Variants in TNFRSF1B observed in about 807,000 individuals in gnomAD.
TNFRSF1B encodes the protein tumor necrosis factor receptor superfamily member 1B.
Under a neutral mutation model 44.6 loss-of-function variants are expected in TNFRSF1B, and 19 were observed. That is an observed-to-expected ratio of 0.43 (90% CI 0.30 to 0.62). TNFRSF1B has a LOEUF of 0.62. Among genes scored for constraint, TNFRSF1B ranks in the 20% least tolerant of loss-of-function variants. The pLI, the probability that TNFRSF1B is intolerant of heterozygous loss-of-function variation, is 0.16. For missense variants in TNFRSF1B, 541 were observed against 619.9 expected, an observed-to-expected ratio of 0.87 and a Z score of 1.35; for synonymous variants, 252 against 261.1, an observed-to-expected ratio of 0.97 and a Z score of 0.34.
Position 12,205,518 on chromosome 1 carries a change from G to A in TNFRSF1B, c.1106-1222G>A, listed in dbSNP as rs17883882. On this transcript the variant is annotated intron_variant, in intron 9 of 9. Coordinates refer to ENST00000376259, the MANE Select transcript of TNFRSF1B (RefSeq NM_001066.3). The stretch of plus-strand genomic sequence containing the variant: ...TTTCAGAGGGGTGGGGTTGAAGCCA[G>A]GACAGATGGAGGCTGTTCACACCCA... Among the ~76,000 whole-genome samples, 414 of 152,336 alleles carry A rather than the reference G, an allele frequency of 2.7e-3. 3 individuals carry two copies. The highest frequency in any genetic ancestry group is 0.014 in the Middle Eastern group (4 of 294).
At position 12,167,041 on chromosome 1, in the gene TNFRSF1B, C is replaced by T. The variant is rs917445950; in HGVS notation, c.-51C>T. The T allele has an allele frequency of 3.3e-6, 4 of 1,195,174 alleles. No individual in the cohort carries two copies. Among genetic ancestry groups the T allele is most frequent in the East Asian group, 3.3e-5 (1 of 30,252 alleles). The allele number at this position is 1,195,174 out of a possible 1,614,324, so 74.0% of individuals were successfully genotyped here. On this transcript the variant is annotated 5_prime_UTR_variant, in exon 1 of 10. Coordinates refer to ENST00000376259, the MANE Select transcript of TNFRSF1B (RefSeq NM_001066.3). ...AGCCTGGAGAGAAGGCGCTGGGCTG[C>T]GAGGGCGCGAGGGCGCGAGGGCAGG...
chr1:12,174,743 C>T (rs1638613487), intron 1 of TNFRSF1B, among the ~76,000 whole-genome samples: 2 of 152,226 alleles, frequency 1.3e-5, no homozygotes, highest in African/African-American at 4.8e-5. Context: ...CCTACCCCCT[C>T]TTTTGGACAC....
In TNFRSF1B at chr1:12,190,458, C is replaced by CAAAAAAA. The variant is rs4044499; in HGVS notation, c.179-483_179-477dup. Reference sequence around the variant, plus strand: ...TGGGCCACAGAGTGAGATTCTGTCTCAAAAAAAAAAAAAAAAAAAAAAGCA... The same window carrying CAAAAAAA: ...TGGGCCACAGAGTGAGATTCTGTCTCAAAAAAAAAAAAAAAAAAAAAAAAAAAAAGCA... On this transcript the variant is annotated intron_variant, in intron 2 of 9. Transcript: ENST00000376259. 1.6e-3 allele frequency among the ~76,000 whole-genome samples: 98 copies of CAAAAAAA among 61,478 alleles called. 1 individual carries two copies. Among genetic ancestry groups the CAAAAAAA allele is most frequent in the South Asian group, 4.5e-3 (6 of 1,334 alleles). 40.3% of individuals were successfully genotyped at this position (61,478 alleles called of 152,430 possible).
chr1:12,205,550 T>C (rs886208115), intron 9 of TNFRSF1B, among the ~76,000 whole-genome samples: 1 of 152,150 alleles, frequency 6.6e-6, no homozygotes, highest in African/African-American at 2.4e-5. Flanking sequence ...CCCATCCAGA[T>C]GGGAGTGAGG....
At chr1:12,193,167 C>T (rs1186273747) in intron 6 of TNFRSF1B, 69 bp downstream of exon 6, 3 of 1,421,344 alleles carry the variant, frequency 2.1e-6, no homozygotes, top group East Asian at 4.9e-5. Flanking sequence ...CTTTCTTCCT[C>T]TCCCATGGTT....
chr1:12,188,919 C>T (rs374141767), intron 2 of TNFRSF1B, 24 bp downstream of exon 2: 6 of 1,605,004 alleles, frequency 3.7e-6, no homozygotes, highest in African/African-American at 1.3e-5. Context: ...CGGGGGCACT[C>T]GGGGCCCATG....
rs774996171 is a variant in TNFRSF1B, at chr1:12,202,099, C to T, written c.1033C>T (p.Arg345Trp). Reference sequence around the variant, plus strand: ...TGCGTTGGACAGAAGGGCGCCCACTCGGAACCAGCCACAGGCACCAGGCGT... The same window carrying T: ...TGCGTTGGACAGAAGGGCGCCCACTTGGAACCAGCCACAGGCACCAGGCGT... ...ASALDRRAPT[R>W]NQPQAPGVEA... Residue 345 changes from arginine to tryptophan, a missense_variant, in exon 9 of 10, where the codon CGG (arginine) becomes TGG (tryptophan). Coordinates refer to ENST00000376259, the MANE Select transcript of TNFRSF1B (RefSeq NM_001066.3). 19 of 1,576,826 alleles carry T rather than the reference C, an allele frequency of 1.2e-5. No individual in the cohort carries two copies. Among genetic ancestry groups the T allele is most frequent in the South Asian group, 3.5e-5 (3 of 86,340 alleles).
At chr1:12,184,715 C>T (rs754071354) in intron 1 of TNFRSF1B, among the ~76,000 whole-genome samples, 3 of 152,172 alleles carry the variant, frequency 2.0e-5, no homozygotes, top group Non-Finnish European at 2.9e-5. Context: ...GCCCTTTGAG[C>T]CCTGATGGGA....
At chr1:12,193,521 T>C (rs892146319) in intron 6 of TNFRSF1B, among the ~76,000 whole-genome samples, 10 of 152,202 alleles carry the variant, frequency 6.6e-5, no homozygotes, top group Admixed American at 6.5e-4. Flanking sequence ...TGCATTGAGC[T>C]CTGATCGTGC....
rs952962458 is a variant in TNFRSF1B at position 12,175,531 on chromosome 1, G to A, written c.78+8362G>A. 7.2e-5 allele frequency among the ~76,000 whole-genome samples: 11 copies of A among 152,138 alleles called. No homozygotes were observed. In the East Asian group the frequency reaches 1.2e-3, roughly 16 times the overall value. On this transcript the variant is annotated intron_variant, in intron 1 of 9. Coordinates refer to ENST00000376259, the MANE Select transcript of TNFRSF1B (RefSeq NM_001066.3). The stretch of plus-strand genomic sequence containing the variant: ...GGTGCCCCTGCTGGCCCCTCCTCTC[G>A]CTGACCCCAGCCCCAGTTTCTGGCT...
chr1:12,196,116 C>T (rs1159527632), intron 8 of TNFRSF1B, among the ~76,000 whole-genome samples: 1 of 152,124 alleles, frequency 6.6e-6, no homozygotes, highest in African/African-American at 2.4e-5. Flanking sequence ...GTCTGGCCAT[C>T]ATGGTAAAAC....
At chr1:12,173,961 G>C (rs1366443024) in intron 1 of TNFRSF1B, among the ~76,000 whole-genome samples, 1 of 152,132 alleles carries the variant, frequency 6.6e-6, no homozygotes, top group Non-Finnish European at 1.5e-5. Flanking sequence ...GGGGTTGGAA[G>C]AGATCATTGA....
intron 1 of TNFRSF1B, among the ~76,000 whole-genome samples, chr1:12,179,142 C>T (rs895007572): frequency 2.0e-5 from 3 of 152,122 alleles, no homozygotes; most frequent in Admixed American, 6.5e-5. Context: ...CTCCAAGAAC[C>T]GGATACCAGC....
intron 8 of TNFRSF1B, among the ~76,000 whole-genome samples, chr1:12,197,478 C>T (rs572057731): frequency 1.7e-4 from 26 of 152,342 alleles, no homozygotes; most frequent in African/African-American, 5.3e-4. Flanking sequence ...TATCCCAGCA[C>T]AGCCCTGGCT....
At position 12,198,659 on chromosome 1, in the gene TNFRSF1B, T is replaced by TGCTG. The variant is rs138944650; in HGVS notation, c.901-3286_901-3283dup. 6.1e-3 allele frequency among the ~76,000 whole-genome samples: 856 copies of TGCTG among 141,380 alleles called. 9 individuals carry two copies. The highest frequency in any genetic ancestry group is 0.021 in the African/African-American group (798 of 37,546). The allele number at this position is 141,380 out of a possible 152,430, so 92.8% of individuals were successfully genotyped here. On this transcript the variant is annotated intron_variant, in intron 8 of 9. Transcript: ENST00000376259. ...GCCAGGAGGGGCCGGGAGCTGAGGG[T>TGCTG]GCTGGCTGGCTGGCTGGCTGGCTGG...
intron 8 of TNFRSF1B, among the ~76,000 whole-genome samples, chr1:12,198,691 G>GT (rs60313758): frequency 0.045 from 3,842 of 85,646 alleles, 324 homozygotes; most frequent in East Asian, 0.14. Flanking sequence ...CTGGAATTCT[G>GT]TTTTTTTTTT....
At chr1:12,175,638 A>G (rs774036691) in intron 1 of TNFRSF1B, among the ~76,000 whole-genome samples, 2 of 151,662 alleles carry the variant, frequency 1.3e-5, no homozygotes, top group Non-Finnish European at 2.9e-5. Flanking sequence ...CAAGCCCCTA[A>G]TCCTGCTCCT....
Position 12,207,379 on chromosome 1 carries a change from G to GTTTGTTTT in TNFRSF1B, c.*366_*367insTTTTGTTT, listed in dbSNP as rs1639530875. On this transcript the variant is annotated 3_prime_UTR_variant, in exon 10 of 10. Coordinates refer to ENST00000376259, the MANE Select transcript of TNFRSF1B (RefSeq NM_001066.3). Reference sequence around the variant, plus strand: ...GGGTTTTTTGTTTGTTTGTTTGTTTGTTTGTTTGTTTCTCCCCCTGGGCTC... The same window carrying GTTTGTTTT: ...GGGTTTTTTGTTTGTTTGTTTGTTTGTTTGTTTTTTTGTTTGTTTCTCCCCCTGGGCTC... The GTTTGTTTT allele has an allele frequency of 4.0e-6, 1 of 251,230 alleles. No homozygotes were observed. The allele number at this position is 251,230 out of a possible 1,614,324, so 15.6% of individuals were successfully genotyped here.
At position 12,205,907 on chromosome 1, in the gene TNFRSF1B, C is replaced by T. The variant is rs555718849; in HGVS notation, c.1106-833C>T. Among the ~76,000 whole-genome samples, 48 of 152,066 alleles carry T rather than the reference C, an allele frequency of 3.2e-4. No individual in the cohort carries two copies. The East Asian group carries it at 4.1e-3, about 13-fold the overall frequency. ...CCTCCCAAAGTGCTGGGATTACAGG[C>T]GTGAGCCACCCTGCCTGGTCCAGAA... On this transcript the variant is annotated intron_variant, in intron 9 of 9. Transcript: ENST00000376259.
Sources: allele counts gnomAD v4.1 joint callset (sites outside exome capture counted in the v4.1 genomes callset), GRCh38; gene constraint gnomAD v4.1.1; transcripts MANE v1.5; gene names NCBI Gene and HGNC (gene_info 2026-07-23, HGNC 2026-07-21).